The following THSD4 variants were observed in gnomAD, a reference collection of about 807,000 sequenced individuals.
The protein encoded by THSD4 is thrombospondin type-1 domain-containing protein 4.
A neutral mutation model predicts 119.0 loss-of-function variants in THSD4; 69 were observed. The ratio of observed to expected loss-of-function variants is 0.58; its 90% CI spans 0.48 to 0.71. The LOEUF is 0.71. THSD4 is among the 30% of genes least tolerant of loss of function. THSD4 has a pLI of 0.00. For synonymous variants in THSD4, 524 were observed against 540.4 expected (o/e 0.97, Z 0.42); for missense variants, 1,393 against 1,391.1 (o/e 1.00, Z -0.02).
chr15:71,150,033 C>T (rs537196217), intron 2 of THSD4, among the ~76,000 whole-genome samples: 1 of 151,840 alleles, frequency 6.6e-6, no homozygotes, highest in East Asian at 1.9e-4. Context: ...GTTATTTCAA[C>T]TGCAAGGTGA....
At chr15:71,659,222 A>G (rs545124047) in intron 7 of THSD4, among the ~76,000 whole-genome samples, 21 of 152,282 alleles carry the variant, frequency 1.4e-4, no homozygotes, top group African/African-American at 4.6e-4. Flanking sequence ...ATAATCCTGT[A>G]CTCACAATAT....
In THSD4 at chr15:71,355,598, A is replaced by C. The variant is rs568044970; in HGVS notation, c.1016-56089A>C. Among the ~76,000 whole-genome samples, 3 of 152,256 alleles carry C rather than the reference A, an allele frequency of 2.0e-5. No individual in the cohort carries two copies. In the South Asian group the frequency reaches 6.2e-4, roughly 32 times the overall value. On this transcript the variant is annotated intron_variant, in intron 6 of 17. Coordinates refer to ENST00000261862, the MANE Select transcript of THSD4 (RefSeq NM_024817.3). ...GCCTAGAGGAAGGATAATGAGGAAA[A>C]GAGGACTGTCCCGGGTGCTGGTCAG...
chr15:71,730,268 A>T (rs985144682), intron 9 of THSD4: 1 of 152,134 alleles, frequency 6.6e-6, no homozygotes, highest in Non-Finnish European at 1.5e-5. Flanking sequence ...CAGAGACAGA[A>T]ACATCAAACC....
At chr15:71,339,617 C>A (rs766374001) in intron 6 of THSD4, among the ~76,000 whole-genome samples, 4 of 152,146 alleles carry the variant, frequency 2.6e-5, no homozygotes, top group Admixed American at 6.5e-5. Flanking sequence ...GTAGGAACTT[C>A]TCTGTCATAA....
intron 7 of THSD4, among the ~76,000 whole-genome samples, chr15:71,521,004 C>T (rs555408282): frequency 6.6e-6 from 1 of 152,174 alleles, no homozygotes; most frequent in South Asian, 2.1e-4. Flanking sequence ...CTTCCGTGAC[C>T]ATACTGATGT....
At chr15:71,759,836 C>A (rs2053601785) in intron 15 of THSD4, among the ~76,000 whole-genome samples, 5 of 152,084 alleles carry the variant, frequency 3.3e-5, no homozygotes, top group Admixed American at 3.3e-4. Flanking sequence ...TGAACCCTGG[C>A]AAAGACAACC....
intron 8 of THSD4, among the ~76,000 whole-genome samples, chr15:71,701,582 A>G (rs1350623096): frequency 1.3e-5 from 2 of 152,232 alleles, no homozygotes; most frequent in South Asian, 2.1e-4. Context: ...CATTATTTCC[A>G]TCCTATGAAA....
At chr15:71,775,061 G>A (rs1165054737) in intron 17 of THSD4, among the ~76,000 whole-genome samples, 7 of 152,066 alleles carry the variant, frequency 4.6e-5, no homozygotes, top group African/African-American at 1.4e-4. Flanking sequence ...CAGGAGAATC[G>A]CTTGAACCCG....
intron 8 of THSD4, among the ~76,000 whole-genome samples, chr15:71,723,642 G>A (rs1247104625): frequency 2.0e-5 from 3 of 152,188 alleles, no homozygotes; most frequent in Non-Finnish European, 4.4e-5. Context: ...CTCAGTAAGT[G>A]TATGGACAAA....
At chr15:71,552,468 G>A (rs1179482194) in intron 7 of THSD4, among the ~76,000 whole-genome samples, 1 of 152,204 alleles carries the variant, frequency 6.6e-6, no homozygotes, top group Non-Finnish European at 1.5e-5. Flanking sequence ...AAGGGTCAAT[G>A]TAATGACCTT....
chr15:71,533,231 G>T (rs1375806128), intron 7 of THSD4, among the ~76,000 whole-genome samples: 1 of 152,172 alleles, frequency 6.6e-6, no homozygotes, highest in Admixed American at 6.5e-5. Context: ...GTGTGTTTGT[G>T]GTGGGAACAC....
chr15:71,533,527 G>A (rs899159534), intron 7 of THSD4, among the ~76,000 whole-genome samples: 1 of 152,118 alleles, frequency 6.6e-6, no homozygotes, highest in Non-Finnish European at 1.5e-5. Context: ...GTGATTAAAT[G>A]TTTACATTAT....
chr15:71,167,458 T>C (rs2043304364), intron 3 of THSD4, among the ~76,000 whole-genome samples: 1 of 152,196 alleles, frequency 6.6e-6, no homozygotes. Flanking sequence ...AAAGTCAGGA[T>C]AGAAAGGTGT....
intron 3 of THSD4, among the ~76,000 whole-genome samples, chr15:71,174,152 G>T (rs1344013944): frequency 6.6e-6 from 1 of 152,144 alleles, no homozygotes; most frequent in African/African-American, 2.4e-5. Flanking sequence ...GAGCCAAGAT[G>T]GCCGAATAGG....
At chr15:71,449,378 T>C (rs2047232697) in intron 7 of THSD4, among the ~76,000 whole-genome samples, 1 of 152,208 alleles carries the variant, frequency 6.6e-6, no homozygotes, top group Non-Finnish European at 1.5e-5. Context: ...GTGAAGAACA[T>C]GAGCTTTGGA....
intron 7 of THSD4, among the ~76,000 whole-genome samples, chr15:71,574,972 T>G (rs1252040262): frequency 1.3e-5 from 2 of 152,122 alleles, no homozygotes; most frequent in Non-Finnish European, 1.5e-5. Flanking sequence ...TTCTGTGGAA[T>G]TACCTTTATG....
At chr15:71,320,834 A>G (rs906333013) in intron 6 of THSD4, among the ~76,000 whole-genome samples, 1 of 152,146 alleles carries the variant, frequency 6.6e-6, no homozygotes, top group Non-Finnish European at 1.5e-5. Flanking sequence ...GGAAGATGTT[A>G]TGCTAGTTAT....
At chr15:71,613,465 G>A in intron 7 of THSD4, among the ~76,000 whole-genome samples, 1 of 152,142 alleles carries the variant, frequency 6.6e-6, no homozygotes, top group Admixed American at 6.5e-5. Context: ...GAGGATGTAT[G>A]GGTTTATCAA....
chr15:71,259,746 G>A (rs900641636), intron 6 of THSD4, among the ~76,000 whole-genome samples: 2 of 152,174 alleles, frequency 1.3e-5, no homozygotes, highest in Non-Finnish European at 2.9e-5. Context: ...TGGGTAGCTA[G>A]GGTAGAGAAC....
Sources: gnomAD v4.1 joint callset for allele counts (sites outside exome capture counted in the v4.1 genomes callset) on GRCh38, gnomAD v4.1.1 for gene constraint, MANE v1.5 for transcripts, NCBI Gene and HGNC (gene_info 2026-07-23, HGNC 2026-07-21) for gene names.